Variants in ARHGAP23 observed in about 807,000 individuals in gnomAD.
ARHGAP23 encodes the protein rho GTPase-activating protein 23.
Under a neutral mutation model 136.3 loss-of-function variants are expected in ARHGAP23, and 34 were observed. The observed-to-expected ratio is 0.25, with a 90% CI of 0.19 to 0.33. The LOEUF (loss-of-function observed/expected upper bound fraction) is 0.33, where lower values mean the gene tolerates loss of function less well. Ranked by LOEUF, ARHGAP23 falls within the 10% of genes least tolerant of loss-of-function variation. The pLI is 1.00. For synonymous variants in ARHGAP23, 832 were observed against 920.5 expected (o/e 0.90, Z 1.74); for missense variants, 1,808 against 2,139.0 (o/e 0.85, Z 3.05).
At chr17:38,453,420 TGC>T (rs1215351294) in intron 1 of ARHGAP23, among the ~76,000 whole-genome samples, 6,178 of 99,130 alleles carry the variant, frequency 0.062, 335 homozygotes, top group African/African-American at 0.17. Flanking sequence ...CGCGTATGCG[TGC>T]GTGTGTGTGT....
intron 1 of ARHGAP23, among the ~76,000 whole-genome samples, chr17:38,440,328 G>T (rs2038893767): frequency 6.6e-6 from 1 of 152,192 alleles, no homozygotes. Context: ...CTCTGCTTAG[G>T]AACTTTTAAA....
chr17:38,510,772 G>A lies in ARHGAP23; in HGVS notation c.4276G>A (p.Gly1426Ser), dbSNP rs1470891119. 2.0e-6 allele frequency: 3 copies of A among 1,496,824 alleles called. No homozygotes were observed. The Admixed American group carries it at 6.9e-5, about 35-fold the overall frequency. The allele number at this position is 1,496,824 out of a possible 1,614,324, so 92.7% of individuals were successfully genotyped here. A position where few individuals can be genotyped will look rare whatever the true frequency, so the allele number is the denominator to read the frequency against. Residue 1426 changes from glycine (G) to serine (S), a missense_variant, in exon 24 of 24, where the codon GGC becomes AGC. This residue lies in a region of ARHGAP23 where 506 missense variants were observed against 455.8 expected (regional missense o/e 1.11). Transcript: ENST00000622683. The surrounding 1 kb of genome is among the most constrained non-coding windows in gnomAD (Gnocchi z 4.6). ...CAACTTCAACGAGTGGAAGGAGCTGGGCGGAGGGGGCCCCCCGGAGCCTGC... is the reference window on the plus strand; with the variant it reads ...CAACTTCAACGAGTGGAAGGAGCTGAGCGGAGGGGGCCCCCCGGAGCCTGC... ...DLNFNEWKEL[G>S]GGGPPEPAGA...
Position 38,497,895 on chromosome 17 carries a change from G to C in ARHGAP23, c.3318+69G>C. The C allele has an allele frequency of 3.6e-5, 54 of 1,490,094 alleles. 1 individual carries two copies. The South Asian group carries it at 5.2e-4, about 14-fold the overall frequency. The allele number at this position is 1,490,094 out of a possible 1,614,324, so 92.3% of individuals were successfully genotyped here. The stretch of plus-strand genomic sequence containing the variant: ...GGTGAGCCCCAGTCCTTGGGGGTGG[G>C]GCAGGCAGCGGGACTTAAGCCGGGG... On this transcript the variant is annotated intron_variant, in intron 21 of 23. Transcript: ENST00000622683.
At chr17:38,459,450 A>C (rs1003348665) in intron 2 of ARHGAP23, among the ~76,000 whole-genome samples, 2 of 152,186 alleles carry the variant, frequency 1.3e-5, no homozygotes, top group African/African-American at 2.4e-5. Context: ...GAAGAACATA[A>C]GTGGGGGCTG....
At chr17:38,470,964 T>G (rs1313582027) in intron 10 of ARHGAP23, among the ~76,000 whole-genome samples, 2 of 151,704 alleles carry the variant, frequency 1.3e-5, no homozygotes, top group Non-Finnish European at 2.9e-5. Flanking sequence ...TTTCTTTTTT[T>G]TTTTTTGAGA....
intron 1 of ARHGAP23, among the ~76,000 whole-genome samples, chr17:38,446,837 C>T (rs964919017): frequency 6.6e-5 from 10 of 151,908 alleles, no homozygotes; most frequent in African/African-American, 2.4e-4. Flanking sequence ...AGGGAGTCTT[C>T]CTCTGTGGCC....
At chr17:38,452,887 G>C (rs2039210954) in intron 1 of ARHGAP23, among the ~76,000 whole-genome samples, 1 of 152,240 alleles carries the variant, frequency 6.6e-6, no homozygotes, top group Non-Finnish European at 1.5e-5. Context: ...TTGTCAGCTT[G>C]TAGTGACCCT....
intron 11 of ARHGAP23, among the ~76,000 whole-genome samples, chr17:38,472,288 C>T (rs2039778353): frequency 6.6e-6 from 1 of 152,228 alleles, no homozygotes; most frequent in African/African-American, 2.4e-5. Context: ...GCTTGACAGG[C>T]CATCCTGAAG....
intron 14 of ARHGAP23, among the ~76,000 whole-genome samples, chr17:38,481,555 A>G (rs994165115): frequency 2.6e-5 from 4 of 152,196 alleles, no homozygotes; most frequent in African/African-American, 9.6e-5. Flanking sequence ...AGCTTCCCAA[A>G]GTGCTGGGAT....
In ARHGAP23 at chr17:38,467,176, G is replaced by A; in HGVS notation, c.1493G>A (p.Gly498Asp). 1 of 1,550,130 alleles carries A rather than the reference G, an allele frequency of 6.5e-7. No homozygotes were observed. The highest frequency in any genetic ancestry group is 8.7e-7 in the Non-Finnish European group (1 of 1,146,520). ...EVVLRQKPPTGRKVQLTPARQ... is the reference protein window; with the variant it reads ...EVVLRQKPPTDRKVQLTPARQ... Reference sequence around the variant, plus strand: ...GTCCTGAGGCAGAAGCCCCCGACGGGCCGCAAGGTTCAGCTGACCCCCGCA... The same window carrying A: ...GTCCTGAGGCAGAAGCCCCCGACGGACCGCAAGGTTCAGCTGACCCCCGCA... The change falls in exon 7 of 24, where the codon GGC becomes GAC. Residue 498 changes from glycine to aspartate, a missense_variant. Gly to Asp is a moderately conservative substitution (Grantham distance 94). Transcript: ENST00000622683.
chr17:38,482,421 A>G (rs2040065940), intron 15 of ARHGAP23, 102 bp from the exon 16 acceptor site: 5 of 1,189,610 alleles, frequency 4.2e-6, no homozygotes, highest in Middle Eastern at 2.8e-4. Context: ...GTTCCCCCCA[A>G]GGGTTCCTGG....
chr17:38,471,940 G>C lies in ARHGAP23; in HGVS notation c.2052G>C (p.Ala684=), dbSNP rs1303607814. 6 of 1,549,694 alleles carry C rather than the reference G, an allele frequency of 3.9e-6. No individual in the cohort carries two copies. The highest frequency in any genetic ancestry group is 5.2e-6 in the Non-Finnish European group (6 of 1,146,834). ...KRHSTSDLSD[A]TFSDIRREGW... ...ACTCAACCTCTGACCTCTCAGATGC[G>C]ACCTTCAGCGATATCAGGAGAGAAG... The change falls in exon 11 of 24, where the codon GCG becomes GCC. Residue 684 remains alanine, a synonymous_variant. Coordinates refer to ENST00000622683, the MANE Select transcript of ARHGAP23 (RefSeq NM_001199417.2).
intron 1 of ARHGAP23, among the ~76,000 whole-genome samples, chr17:38,422,555 G>C (rs1294899491): frequency 3.3e-5 from 5 of 152,162 alleles, no homozygotes; most frequent in Non-Finnish European, 5.9e-5. Context: ...TTTTCTGTCG[G>C]CCACCTCCTG....
At chr17:38,493,733 C>T (rs1318759547) in intron 20 of ARHGAP23, among the ~76,000 whole-genome samples, 5 of 152,316 alleles carry the variant, frequency 3.3e-5, no homozygotes, top group East Asian at 3.9e-4. Flanking sequence ...GTCTTCAGGT[C>T]GGAAAGAGCG....
intron 1 of ARHGAP23, among the ~76,000 whole-genome samples, chr17:38,435,743 C>T (rs925276753): frequency 3.3e-5 from 5 of 152,156 alleles, no homozygotes; most frequent in South Asian, 2.1e-4. Context: ...GGATTACAGG[C>T]GCCCTCTACC....
chr17:38,423,422 A>G (rs1009667408), intron 1 of ARHGAP23, among the ~76,000 whole-genome samples: 4 of 151,490 alleles, frequency 2.6e-5, no homozygotes, highest in Non-Finnish European at 4.4e-5. Flanking sequence ...CCCAGGCAAG[A>G]GTGCAGTGGC....
At chr17:38,504,502 T>C (rs2040587068) in intron 23 of ARHGAP23, among the ~76,000 whole-genome samples, 1 of 152,180 alleles carries the variant, frequency 6.6e-6, no homozygotes, top group Non-Finnish European at 1.5e-5. Context: ...ATCCTGCAAG[T>C]GCCGGACATT....
At chr17:38,471,144 G>T (rs1193587813) in intron 10 of ARHGAP23, among the ~76,000 whole-genome samples, 1 of 151,868 alleles carries the variant, frequency 6.6e-6, no homozygotes, top group Non-Finnish European at 1.5e-5. Flanking sequence ...GTAGAGATGG[G>T]GTTTCACCAT....
At chr17:38,460,877 C>T (rs1023363243) in intron 2 of ARHGAP23, 28 bp from the exon 3 acceptor site, 1 of 1,535,940 alleles carries the variant, frequency 6.5e-7, no homozygotes, top group African/African-American at 1.4e-5. Flanking sequence ...TGGACTGACG[C>T]CCACACCCAC....
Sources: allele counts gnomAD v4.1 joint callset (sites outside exome capture counted in the v4.1 genomes callset), GRCh38; gene constraint gnomAD v4.1.1; regional missense constraint gnomAD v4.1.1; non-coding constraint Gnocchi (gnomAD v3.1); transcripts MANE v1.5; gene names NCBI Gene and HGNC (gene_info 2026-07-23, HGNC 2026-07-21).